Variants in NPR3 observed in about 807,000 individuals in gnomAD.
NPR3 encodes atrial natriuretic peptide receptor 3.
Under a neutral mutation model 54.5 loss-of-function variants are expected in NPR3, and 34 were observed. The observed-to-expected ratio is 0.62, with a 90% CI of 0.47 to 0.83. NPR3 has a LOEUF of 0.83. NPR3 is among the 40% of genes least tolerant of loss of function. The probability of loss-of-function intolerance (pLI) is 0.00; values close to 1 mark genes in which losing one functional copy is unlikely to be tolerated. For missense variants in NPR3, 674 were observed against 720.8 expected (o/e 0.94, Z 0.74); for synonymous variants, 289 against 297.1 (o/e 0.97, Z 0.28).
chr5:32,767,107 G>T (rs973488514), intron 3 of NPR3, among the ~76,000 whole-genome samples: 13 of 152,206 alleles, frequency 8.5e-5, no homozygotes, highest in Non-Finnish European at 2.9e-5. Flanking sequence ...TGTGTCATTT[G>T]TCTCTCACAG....
intron 3 of NPR3, among the ~76,000 whole-genome samples, chr5:32,771,182 G>A (rs1354878820): frequency 1.3e-5 from 2 of 152,194 alleles, no homozygotes; most frequent in Non-Finnish European, 1.5e-5. Flanking sequence ...AGAAAAGCCG[G>A]TCTCTGGGGC....
At chr5:32,752,925 T>A (rs1740648714) in intron 3 of NPR3, among the ~76,000 whole-genome samples, 1 of 152,248 alleles carries the variant, frequency 6.6e-6, no homozygotes, top group Admixed American at 6.5e-5. Context: ...ATTCCTCTAA[T>A]CTTTACTTAG....
upstream of NPR3, among the ~76,000 whole-genome samples, chr5:32,709,173 A>C (rs1314912268): frequency 1.3e-5 from 2 of 151,818 alleles, no homozygotes; most frequent in African/African-American, 2.4e-5. Context: ...ATAAACCCAC[A>C]CCACACGCGG....
intron 1 of NPR3, among the ~76,000 whole-genome samples, chr5:32,695,515 G>A (rs1250925402): frequency 2.6e-5 from 4 of 152,156 alleles, no homozygotes; most frequent in Non-Finnish European, 4.4e-5. Flanking sequence ...TGATCTGTCC[G>A]CCTTGGCCTC....
At chr5:32,730,500 A>G (rs1579619764) in intron 2 of NPR3, among the ~76,000 whole-genome samples, 4 of 152,330 alleles carry the variant, frequency 2.6e-5, no homozygotes, top group Non-Finnish European at 5.9e-5. Flanking sequence ...AATGAAAATA[A>G]AAAGCATACA....
At chr5:32,711,121 G>A (rs980610427), upstream of NPR3, among the ~76,000 whole-genome samples, 2 of 152,030 alleles carry the variant, frequency 1.3e-5, no homozygotes, top group African/African-American at 2.4e-5. Flanking sequence ...GGACAGGGGC[G>A]CGATGGGTAG....
upstream of NPR3, chr5:32,710,643 C>T (rs1010436764): frequency 8.3e-5 from 122 of 1,474,842 alleles, no homozygotes; most frequent in Non-Finnish European, 1.1e-4. Flanking sequence ...CCCGGGCCAG[C>T]CGGGCACACC....
rs751768284 is a variant in NPR3, at chr5:32,712,471, C to G, written c.695C>G (p.Ser232Cys). Residue 232 changes from serine (S) to cysteine (C), a missense_variant, in exon 1 of 8, where the codon TCC (serine) becomes TGC (cysteine). Coordinates refer to ENST00000265074, the MANE Select transcript of NPR3 (RefSeq NM_001204375.2). Reference protein sequence around the residue: ...EVFQEEGLHTSIYSFDETKDL... With the variant: ...EVFQEEGLHTCIYSFDETKDL... Reference sequence around the variant, plus strand: ...TTCCAGGAGGAGGGTTTGCACACGTCCATCTACAGTTTCGACGAGACCAAA... The same window carrying G: ...TTCCAGGAGGAGGGTTTGCACACGTGCATCTACAGTTTCGACGAGACCAAA... 1 of 1,597,106 alleles carries G rather than the reference C, an allele frequency of 6.3e-7. No individual in the cohort carries two copies. The highest frequency in any genetic ancestry group is 1.1e-5 in the South Asian group (1 of 88,946).
rs114067550 is a variant in NPR3 at position 32,726,910 on chromosome 5, A to G, written c.892+2090A>G. On this transcript the variant is annotated intron_variant, in intron 2 of 7. Coordinates refer to ENST00000265074, the MANE Select transcript of NPR3 (RefSeq NM_001204375.2). ...ATATATTGATCATACTATTTATGGT[A>G]TGGCTACATGTTCTTTTATAATGTT... Among the ~76,000 whole-genome samples the G allele has an allele frequency of 3.8e-3, 586 of 152,276 alleles. 2 individuals are homozygous for G. Among genetic ancestry groups the G allele is most frequent in the African/African-American group, 0.014 (563 of 41,556 alleles).
At chr5:32,764,453 C>T (rs1346874212) in intron 3 of NPR3, among the ~76,000 whole-genome samples, 1 of 152,014 alleles carries the variant, frequency 6.6e-6, no homozygotes, top group East Asian at 1.9e-4. Flanking sequence ...TAGCTACCGT[C>T]TGCATTTGGT....
At chr5:32,696,709 T>C (rs527260346) in intron 1 of NPR3, among the ~76,000 whole-genome samples, 2 of 152,150 alleles carry the variant, frequency 1.3e-5, no homozygotes, top group South Asian at 4.1e-4. Flanking sequence ...ATTGAAGAGA[T>C]CTTTCACTTC....
intron 1 of NPR3, among the ~76,000 whole-genome samples, chr5:32,715,707 C>T (rs1372185894): frequency 6.6e-6 from 1 of 152,102 alleles, no homozygotes; most frequent in Non-Finnish European, 1.5e-5. Context: ...AAAAGACAGG[C>T]TTAGAAATAA....
intron 1 of NPR3, among the ~76,000 whole-genome samples, chr5:32,702,204 C>T (rs1008466113): frequency 1.3e-5 from 2 of 152,106 alleles, no homozygotes; most frequent in African/African-American, 4.8e-5. Context: ...CTACCTGGCG[C>T]ACTAGTCTAC....
At chr5:32,753,120 A>G (rs115993914) in intron 3 of NPR3, among the ~76,000 whole-genome samples, 2,304 of 151,882 alleles carry the variant, frequency 0.015, 32 homozygotes, top group South Asian at 0.048. Context: ...AATACCTGTG[A>G]AAAAGGTCTT....
At chr5:32,760,727 C>A (rs567521647) in intron 3 of NPR3, among the ~76,000 whole-genome samples, 1 of 147,928 alleles carries the variant, frequency 6.8e-6, no homozygotes, top group Admixed American at 6.8e-5. Context: ...TTTTTGGTAT[C>A]ATCTTTAATA....
At chr5:32,733,128 AGCCACCGTGCCCG>A (rs1739552322) in intron 2 of NPR3, among the ~76,000 whole-genome samples, 1 of 152,152 alleles carries the variant, frequency 6.6e-6, no homozygotes, top group Non-Finnish European at 1.5e-5. Flanking sequence ...TACAGACGTG[AGCCACCGTGCCCG>A]GCCAAGGCAT....
chr5:32,759,280 G>A (rs569644408), intron 3 of NPR3, among the ~76,000 whole-genome samples: 460 of 152,032 alleles, frequency 3.0e-3, no homozygotes, highest in Middle Eastern at 0.024. Flanking sequence ...TTATGAATCT[G>A]GGTGTTCCTG....
At chr5:32,782,761 G>A (rs554634648) in intron 5 of NPR3, 132 bp from the exon 6 acceptor site, 2 of 842,098 alleles carry the variant, frequency 2.4e-6, no homozygotes, top group East Asian at 5.4e-5. Flanking sequence ...TGGAGACGGT[G>A]ATTTGATGAA....
intron 3 of NPR3, among the ~76,000 whole-genome samples, chr5:32,768,648 C>A (rs904019981): frequency 6.6e-6 from 1 of 152,184 alleles, no homozygotes; most frequent in Admixed American, 6.5e-5. Flanking sequence ...ACCTAATGAT[C>A]TTCCTAAGAC....
Sources: allele counts gnomAD v4.1 joint callset (sites outside exome capture counted in the v4.1 genomes callset), GRCh38; gene constraint gnomAD v4.1.1; transcripts MANE v1.5; gene names NCBI Gene and HGNC (gene_info 2026-07-23, HGNC 2026-07-21).